MINDY4: variants seen among roughly 807,000 people sequenced by gnomAD.
MINDY4 encodes the protein MINDY lysine 48 deubiquitinase 4, also known as probable ubiquitin carboxyl-terminal hydrolase MINDY-4.
In MINDY4, 68 loss-of-function variants were observed where a neutral mutation model predicts 87.0. The ratio of observed to expected loss-of-function variants is 0.78; its 90% confidence interval spans 0.64 to 0.96. MINDY4 has a LOEUF of 0.96. MINDY4 is among the 40% of genes least tolerant of loss of function. The pLI is 0.00. For synonymous variants in MINDY4, 379 were observed against 363.2 expected (o/e 1.04, Z -0.50); for missense variants, 919 against 928.2 (o/e 0.99, Z 0.13).
chr7:30,786,196 G>C (rs539925855), intron 4 of MINDY4: 1 of 629,240 alleles, frequency 1.6e-6, no homozygotes, highest in Admixed American at 3.2e-5. Flanking sequence ...CTCCTTTCCT[G>C]CCCTTAGCTT....
chr7:30,885,709 C>G (rs111988506), intron 17 of MINDY4, among the ~76,000 whole-genome samples: 26 of 149,396 alleles, frequency 1.7e-4, no homozygotes, highest in East Asian at 1.0e-3. Context: ...AGTGCCCACC[C>G]CCCCCCCAAC....
chr7:30,845,582 A>G (rs1172212816), intron 9 of MINDY4, among the ~76,000 whole-genome samples: 1 of 151,204 alleles, frequency 6.6e-6, no homozygotes, highest in Non-Finnish European at 1.5e-5. Context: ...ATGACCTGCC[A>G]TCAGCTGCCA....
intron 3 of MINDY4, among the ~76,000 whole-genome samples, chr7:30,784,611 C>T (rs190440676): frequency 8.0e-4 from 122 of 152,360 alleles, no homozygotes; most frequent in African/African-American, 2.8e-3. Context: ...ATACAAGCCC[C>T]GGCTGCTCCC....
rs763533833 is a variant in MINDY4 at position 30,840,756 on chromosome 7, G to A, written c.1357-4G>A. 6.8e-6 allele frequency: 11 copies of A among 1,613,628 alleles called. No individual in the cohort carries two copies. In the African/African-American group the frequency reaches 1.5e-4, roughly 22 times the overall value. ...ACTGGCAGCAATGGTCTCATTCTTT[G>A]CAGGGTGGTCCTTGCGGAGTCCTGG... On this transcript the variant is annotated splice_polypyrimidine_tract_variant and splice_region_variant and intron_variant, in intron 8 of 17. Transcript: ENST00000265299.
intron 7 of MINDY4, among the ~76,000 whole-genome samples, chr7:30,837,811 T>C (rs1412622871): frequency 6.6e-6 from 1 of 152,152 alleles, no homozygotes; most frequent in Admixed American, 6.5e-5. Context: ...AGAGTCCAGG[T>C]TCCCAGGCTC....
chr7:30,813,388 G>T (rs931926403), intron 5 of MINDY4, among the ~76,000 whole-genome samples: 2 of 152,142 alleles, frequency 1.3e-5, no homozygotes, highest in African/African-American at 4.8e-5. Flanking sequence ...TTGTGCTCCC[G>T]TGCTGTGGGG....
Position 30,788,584 on chromosome 7 carries a change from A to G in MINDY4, c.664-2581A>G, listed in dbSNP as rs149162534. On this transcript the variant is annotated intron_variant, in intron 4 of 17. Coordinates refer to ENST00000265299, the MANE Select transcript of MINDY4 (RefSeq NM_032222.3). ...GCAGATAGAAGTTTTCCAAAATTCT[A>G]ATTTTTACCTGACAGCTTGTGTTTT... Among the ~76,000 whole-genome samples, 601 of 152,332 alleles carry G rather than the reference A, an allele frequency of 3.9e-3. 1 individual carries two copies. Among genetic ancestry groups the G allele is most frequent in the African/African-American group, 0.014 (580 of 41,580 alleles).
chr7:30,876,038 G>A (rs1360606857), intron 15 of MINDY4, among the ~76,000 whole-genome samples: 2 of 152,140 alleles, frequency 1.3e-5, no homozygotes, highest in Non-Finnish European at 2.9e-5. Flanking sequence ...CCACAGACTG[G>A]GTGGCTTGAA....
At chr7:30,881,496 G>C (rs999227309) in intron 15 of MINDY4, among the ~76,000 whole-genome samples, 1 of 152,122 alleles carries the variant, frequency 6.6e-6, no homozygotes, top group African/African-American at 2.4e-5. Context: ...GCTCCCCAGG[G>C]CTCCATTCCT....
At chr7:30,864,070 G>A (rs1789855360) in intron 13 of MINDY4, among the ~76,000 whole-genome samples, 1 of 152,182 alleles carries the variant, frequency 6.6e-6, no homozygotes, top group South Asian at 2.1e-4. Flanking sequence ...GTCCAGTGGG[G>A]GTGAAAACCT....
intron 15 of MINDY4, among the ~76,000 whole-genome samples, chr7:30,878,805 A>G (rs1181437698): frequency 2.6e-5 from 4 of 152,194 alleles, no homozygotes; most frequent in Non-Finnish European, 5.9e-5. Context: ...AGAGATGGCC[A>G]CCATCCACCC....
chr7:30,788,791 A>G (rs1787232647), intron 4 of MINDY4, among the ~76,000 whole-genome samples: 1 of 152,202 alleles, frequency 6.6e-6, no homozygotes, highest in South Asian at 2.1e-4. Flanking sequence ...GCCATCCTCC[A>G]CGGTCAGCGG....
At chr7:30,862,089 A>T (rs572591296) in intron 13 of MINDY4, among the ~76,000 whole-genome samples, 48 of 152,244 alleles carry the variant, frequency 3.2e-4, no homozygotes, top group Non-Finnish European at 5.4e-4. Flanking sequence ...CAAGTGAGGA[A>T]CAGGGCAGGC....
intron 3 of MINDY4, among the ~76,000 whole-genome samples, chr7:30,782,706 A>C (rs1197685191): frequency 1.3e-5 from 2 of 150,452 alleles, no homozygotes; most frequent in East Asian, 3.8e-4. Context: ...CTGTCTCTTA[A>C]AAAAGAAAAA....
intron 15 of MINDY4, among the ~76,000 whole-genome samples, chr7:30,881,472 A>G (rs1309812959): frequency 6.6e-6 from 1 of 151,910 alleles, no homozygotes; most frequent in Admixed American, 6.6e-5. Context: ...TCTCACTCAG[A>G]CCTTTCCCTC....
intron 9 of MINDY4, among the ~76,000 whole-genome samples, chr7:30,850,092 G>A (rs886344915): frequency 1.6e-4 from 25 of 152,282 alleles, no homozygotes; most frequent in Middle Eastern, 3.4e-3. Context: ...AGTCATTCCC[G>A]AGCACTGCTG....
At chr7:30,882,831 A>T in intron 16 of MINDY4, 90 bp from the exon 17 acceptor site, 1 of 1,122,940 alleles carries the variant, frequency 8.9e-7, no homozygotes, top group Non-Finnish European at 1.3e-6. Context: ...AGGGACTAGA[A>T]GGGGGCGGGT....
At chr7:30,812,918 G>A (rs377250481) in intron 5 of MINDY4, among the ~76,000 whole-genome samples, 7 of 152,218 alleles carry the variant, frequency 4.6e-5, no homozygotes, top group South Asian at 2.1e-4. Flanking sequence ...AGCTGCTTCC[G>A]ATGGTTTTCC....
chr7:30,872,879 T>C (rs1412465930), intron 14 of MINDY4, among the ~76,000 whole-genome samples: 1 of 151,988 alleles, frequency 6.6e-6, no homozygotes, highest in African/African-American at 2.4e-5. Flanking sequence ...GCATCAAAAC[T>C]GGGAGCTCAG....
Sources: gnomAD v4.1 joint callset for allele counts (sites outside exome capture counted in the v4.1 genomes callset) on GRCh38, gnomAD v4.1.1 for gene constraint, MANE v1.5 for transcripts, NCBI Gene and HGNC (gene_info 2026-07-23, HGNC 2026-07-21) for gene names.